ABCC1: variants seen among roughly 807,000 people sequenced by gnomAD.
ABCC1 encodes multidrug resistance-associated protein 1.
In ABCC1, 83 loss-of-function variants were observed where a neutral mutation model predicts 172.9. The ratio of observed to expected loss-of-function variants is 0.48; its 90% CI spans 0.40 to 0.58. ABCC1 has a LOEUF of 0.58. Ranked by LOEUF, ABCC1 falls within the 20% of genes least tolerant of loss-of-function variation. ABCC1 has a pLI of 0.00. For synonymous variants in ABCC1, 937 were observed against 825.2 expected, an observed-to-expected ratio of 1.14 and a Z score of -2.32; for missense variants, 1,817 against 2,002.7, an observed-to-expected ratio of 0.91 and a Z score of 1.77.
intron 4 of ABCC1, among the ~76,000 whole-genome samples, chr16:16,016,239 C>T (rs868723013): frequency 2.0e-5 from 3 of 149,874 alleles, no homozygotes; most frequent in Admixed American, 1.3e-4. Context: ...CTGCAGCCTC[C>T]GCCTCCTGGG....
chr16:16,066,243 A>G (rs1260365187), intron 12 of ABCC1, among the ~76,000 whole-genome samples: 3 of 151,964 alleles, frequency 2.0e-5, no homozygotes, highest in Non-Finnish European at 4.4e-5. Flanking sequence ...GCGCAATGGC[A>G]TGACCTTGCC....
At chr16:16,050,647 C>G (rs1051573151) in intron 10 of ABCC1, among the ~76,000 whole-genome samples, 2 of 144,198 alleles carry the variant, frequency 1.4e-5, no homozygotes, top group African/African-American at 5.2e-5. Flanking sequence ...AATCCCTGCA[C>G]TTTGGGAGGC....
At chr16:16,010,167 C>A (rs1373194055) in intron 3 of ABCC1, among the ~76,000 whole-genome samples, 2 of 148,426 alleles carry the variant, frequency 1.3e-5, no homozygotes, top group African/African-American at 4.9e-5. Context: ...CCTCAGACTT[C>A]TGAGTAGTTG....
At chr16:16,132,158 C>A (rs2045703260) in intron 27 of ABCC1, among the ~76,000 whole-genome samples, 1 of 152,116 alleles carries the variant, frequency 6.6e-6, no homozygotes. Context: ...AGCCTGAAGA[C>A]CAAATGAGCC....
chr16:16,137,006 A>G (rs2045939603), intron 29 of ABCC1, among the ~76,000 whole-genome samples: 2 of 152,068 alleles, frequency 1.3e-5, no homozygotes, highest in Admixed American at 6.6e-5. Context: ...CTTGGTCTCT[A>G]CCAGGATCCT....
chr16:16,008,931 GT>G (rs35609874), intron 2 of ABCC1, among the ~76,000 whole-genome samples: 171 of 85,976 alleles, frequency 2.0e-3, no homozygotes, highest in Middle Eastern at 5.3e-3. Context: ...ACTGTTTCCT[GT>G]TTTTTTTTTT....
intron 1 of ABCC1, among the ~76,000 whole-genome samples, chr16:15,985,269 G>C (rs1318532704): frequency 6.6e-6 from 1 of 152,218 alleles, no homozygotes; most frequent in Non-Finnish European, 1.5e-5. Context: ...TGGGAGGGCA[G>C]AACCCGGGGC....
chr16:16,048,399 A>G, intron 10 of ABCC1, 96 bp downstream of exon 10: 1 of 1,418,192 alleles, frequency 7.1e-7, no homozygotes, highest in Non-Finnish European at 9.7e-7. Flanking sequence ...AATGGCATGT[A>G]GAGCTCCCTG....
intron 1 of ABCC1, among the ~76,000 whole-genome samples, chr16:15,958,845 G>T (rs1303760161): frequency 1.3e-5 from 2 of 152,140 alleles, no homozygotes; most frequent in Non-Finnish European, 2.9e-5. Flanking sequence ...GTTGCTCAGT[G>T]TCGGCCCCGT....
chr16:15,994,506 G>A (rs2046985905), intron 1 of ABCC1, among the ~76,000 whole-genome samples: 1 of 152,156 alleles, frequency 6.6e-6, no homozygotes, highest in Admixed American at 6.5e-5. Context: ...CACTCTGGCT[G>A]TTATTATTGG....
At position 15,983,483 on chromosome 16, in the gene ABCC1, C is replaced by G. The variant is rs114995847; in HGVS notation, c.49-24333C>G. Among the ~76,000 whole-genome samples, 148 of 150,610 alleles carry G rather than the reference C, an allele frequency of 9.8e-4. 2 individuals carry two copies. The highest frequency in any genetic ancestry group is 3.5e-3 in the African/African-American group (141 of 40,810). On this transcript the variant is annotated intron_variant, in intron 1 of 30. Coordinates refer to ENST00000399410, the MANE Select transcript of ABCC1 (RefSeq NM_004996.4). ...TGGAGGCTGGGGTTTTCACCCAGGT[C>G]ATGCAGATAAGATTTATTAGGTGTG...
chr16:15,999,819 T>TCTCTCTCTC (rs2047211883), intron 1 of ABCC1, among the ~76,000 whole-genome samples: 8 of 68,658 alleles, frequency 1.2e-4, no homozygotes, highest in African/African-American at 3.9e-4. Flanking sequence ...CCTCTCTCTC[T>TCTCTCTCTC]CTCTCTCTCT....
At chr16:16,076,439 G>C (rs369220903) in intron 15 of ABCC1, 38 bp downstream of exon 15, 3 of 1,545,738 alleles carry the variant, frequency 1.9e-6, no homozygotes, top group African/African-American at 2.8e-5. Context: ...GGTGTGGAGA[G>C]AGCCACAGGG....
Position 16,073,418 on chromosome 16 carries a change from C to T in ABCC1, c.1912+1689C>T, listed in dbSNP as rs542180932. Among the ~76,000 whole-genome samples, 56 of 152,312 alleles carry T rather than the reference C, an allele frequency of 3.7e-4. No homozygotes were observed. In the Middle Eastern group the frequency reaches 0.01, roughly 28 times the overall value. ...GCACTGCCTCATAGACACCCCATCACAGCCCTCTGAAGTTGATTGCATGAT... is the reference window on the plus strand; with the variant it reads ...GCACTGCCTCATAGACACCCCATCATAGCCCTCTGAAGTTGATTGCATGAT... On this transcript the variant is annotated intron_variant, in intron 14 of 30. Coordinates refer to ENST00000399410, the MANE Select transcript of ABCC1 (RefSeq NM_004996.4).
chr16:15,996,343 G>T (rs2047056219), intron 1 of ABCC1, among the ~76,000 whole-genome samples: 1 of 152,056 alleles, frequency 6.6e-6, no homozygotes. Flanking sequence ...AAGCTGATCT[G>T]AAATTCCTGG....
chr16:16,108,273 C>CCTTTT (rs2052226955), intron 21 of ABCC1, among the ~76,000 whole-genome samples: 2 of 106,314 alleles, frequency 1.9e-5, no homozygotes, highest in African/African-American at 6.7e-5. Flanking sequence ...TTCTTTGTGT[C>CCTTTT]TTTTTTTTTT....
At chr16:15,956,869 C>T (rs930548628) in intron 1 of ABCC1, among the ~76,000 whole-genome samples, 1 of 152,038 alleles carries the variant, frequency 6.6e-6, no homozygotes, top group African/African-American at 2.4e-5. Context: ...GAAGCATAAT[C>T]TGAGTATAAG....
At position 16,044,529 on chromosome 16, in the gene ABCC1, G is replaced by T; in HGVS notation, c.889G>T (p.Val297Leu). Residue 297 changes from valine to leucine, a missense_variant, in exon 8 of 31, where the codon GTG (valine) becomes TTG (leucine). Around this residue, in one of 3 missense-constraint regions of ABCC1, gnomAD observed 398 missense variants for 384.2 expected, o/e 1.04. Transcript: ENST00000399410. The stretch of plus-strand genomic sequence containing the variant: ...TTCCAAGGTGGATGCGAATGAGGAG[G>T]TGGAGGCTTTGATCGTCAAGTCCCC... Reference protein sequence around the residue: ...ESSKVDANEEVEALIVKSPQK... With the variant: ...ESSKVDANEELEALIVKSPQK... 1 of 1,614,220 alleles carries T rather than the reference G, an allele frequency of 6.2e-7. No individual in the cohort carries two copies. Among genetic ancestry groups the T allele is most frequent in the South Asian group, 1.1e-5 (1 of 91,086 alleles).
rs1281012892 is a variant in ABCC1 at position 16,052,782 on chromosome 16, A to G, written c.1439A>G (p.Asn480Ser). 4.3e-6 allele frequency: 7 copies of G among 1,614,072 alleles called. No individual in the cohort carries two copies. The South Asian group carries it at 5.5e-5, about 13-fold the overall frequency. ...VAVMVLMVPV[N>S]AVMAMKTKTY... is the part of the protein sequence containing the mutation. ...GTGATGGTCCTCATGGTGCCCGTCAATGCTGTGATGGCGATGAAGACCAAG... is the reference window on the plus strand; with the variant it reads ...GTGATGGTCCTCATGGTGCCCGTCAGTGCTGTGATGGCGATGAAGACCAAG... The change falls in exon 11 of 31, where the codon AAT becomes AGT. Residue 480 changes from asparagine (N) to serine (S), a missense_variant. By Grantham distance (46) the Asn-to-Ser change is conservative. This residue lies in a region of ABCC1 where 1,412 missense variants were observed against 1,600.3 expected (regional missense o/e 0.88). Transcript: ENST00000399410.
Sources: gnomAD v4.1 joint callset for allele counts (sites outside exome capture counted in the v4.1 genomes callset) on GRCh38, gnomAD v4.1.1 for gene constraint, gnomAD v4.1.1 regional missense constraint, MANE v1.5 for transcripts, NCBI Gene and HGNC (gene_info 2026-07-23, HGNC 2026-07-21) for gene names.